The following AARD variants were observed in gnomAD, a reference collection of about 807,000 sequenced individuals.
AARD encodes the protein alanine- and arginine-rich domain-containing protein.
A neutral mutation model predicts 9.3 loss-of-function variants in AARD; 9 were observed. That is an observed-to-expected ratio of 0.97 (90% confidence interval 0.58 to 1.69). The LOEUF (loss-of-function observed/expected upper bound fraction) is 1.69. Among genes scored for constraint, AARD ranks in the 40% most tolerant of loss-of-function variants. AARD has a pLI of 0.00. For missense variants in AARD, 236 were observed against 210.3 expected (o/e 1.12, Z -0.76); for synonymous variants, 91 against 93.8 (o/e 0.97, Z 0.17).
Position 116,943,531 on chromosome 8 carries a change from A to T in AARD, c.*830A>T, listed in dbSNP as rs1333252838. ...TAGTCATGCAGCTCAAGGCAGGCAGATGGGTTTGTCCTTAGGATTTTTGAA... is the reference window on the plus strand; with the variant it reads ...TAGTCATGCAGCTCAAGGCAGGCAGTTGGGTTTGTCCTTAGGATTTTTGAA... On this transcript the variant is annotated 3_prime_UTR_variant, in exon 2 of 2. Coordinates refer to ENST00000378279, the MANE Select transcript of AARD (RefSeq NM_001025357.3). 2.6e-5 allele frequency: 4 copies of T among 152,300 alleles called. No individual in the cohort carries two copies. Among genetic ancestry groups the T allele is most frequent in the Admixed American group, 2.6e-4 (4 of 15,286 alleles). The allele number at this position is 152,300 out of a possible 1,614,324, so 9.4% of individuals were successfully genotyped here.
intron 1 of AARD, among the ~76,000 whole-genome samples, chr8:116,940,771 T>C (rs772188207): frequency 1.3e-5 from 2 of 152,200 alleles, no homozygotes; most frequent in Non-Finnish European, 2.9e-5. Context: ...CTAGGGTCTG[T>C]GAGTGCATCT....
At position 116,938,528 on chromosome 8, in the gene AARD, G is replaced by T; in HGVS notation, c.285G>T (p.Thr95=). 1 of 1,481,776 alleles carries T rather than the reference G, an allele frequency of 6.7e-7. No individual in the cohort carries two copies. The highest frequency in any genetic ancestry group is 1.4e-5 in the South Asian group (1 of 73,782). The allele number at this position is 1,481,776 out of a possible 1,614,324, so 91.8% of individuals were successfully genotyped here. The change falls in exon 1 of 2, where the codon ACG becomes ACT. Residue 95 remains threonine, a synonymous_variant. Coordinates refer to ENST00000378279, the MANE Select transcript of AARD (RefSeq NM_001025357.3). The stretch of plus-strand genomic sequence containing the variant: ...CGGCGCGGGAGGAGCAGAGCTGGAC[G>T]GGCGTTGAGGCCACCCTGGCCAGGC... ...AAAAREEQSW[T]GVEATLARLR...
rs1286491598 is a variant in AARD at position 116,938,568 on chromosome 8, G to A, written c.324+1G>A. ...CCTGGCCAGGCTGCGGGCGGAGCTG[G>A]TGAGAGAGCGGGCTAGGCGGACGGC... On this transcript the variant is annotated splice_donor_variant, in intron 1 of 1. Coordinates refer to ENST00000378279, the MANE Select transcript of AARD (RefSeq NM_001025357.3). LOFTEE classifies it high-confidence loss of function. 2 of 1,417,158 alleles carry A rather than the reference G, an allele frequency of 1.4e-6. No homozygotes were observed. Among genetic ancestry groups the A allele is most frequent in the Admixed American group, 6.3e-5 (2 of 31,916 alleles). 87.8% of individuals were successfully genotyped at this position (1,417,158 alleles called of 1,614,324 possible). A position where few individuals can be genotyped will look rare whatever the true frequency, so the allele number is the denominator to read the frequency against.
In AARD at chr8:116,942,662, C is replaced by T. The variant is rs751352913; in HGVS notation, c.429C>T (p.Asp143=). The change falls in exon 2 of 2, where the codon GAC becomes GAT. Residue 143 remains aspartate (D), a synonymous_variant. Coordinates refer to ENST00000378279, the MANE Select transcript of AARD (RefSeq NM_001025357.3). The part of the protein sequence containing the change: ...KKEYELEITS[D]SQSPKDDAAN... ...AGTATGAACTGGAAATTACATCAGA[C>T]TCCCAAAGCCCAAAAGATGATGCTG... 7 of 1,613,958 alleles carry T rather than the reference C, an allele frequency of 4.3e-6. No individual in the cohort carries two copies. Among genetic ancestry groups the T allele is most frequent in the Non-Finnish European group, 5.1e-6 (6 of 1,179,970 alleles).
At chr8:116,940,607 A>G (rs1813734414) in intron 1 of AARD, among the ~76,000 whole-genome samples, 1 of 152,226 alleles carries the variant, frequency 6.6e-6, no homozygotes, top group Admixed American at 6.5e-5. Context: ...TTTTACAGGA[A>G]CTGACATATA....
chr8:116,938,679 A>T (rs1171197427), intron 1 of AARD, 112 bp downstream of exon 1: 5 of 1,326,070 alleles, frequency 3.8e-6, no homozygotes, highest in Non-Finnish European at 2.9e-6. Flanking sequence ...GGGGCCCCTC[A>T]GGTCTGGACA....
intron 1 of AARD, 196 bp downstream of exon 1, chr8:116,938,763 G>C (rs1460097392): frequency 2.6e-6 from 2 of 780,730 alleles, no homozygotes; most frequent in African/African-American, 1.9e-5. Flanking sequence ...GTGGGGGGTG[G>C]GGGCGGGGGT....
rs1813770415 is a variant in AARD, at chr8:116,943,471, G to A, written c.*770G>A. ...TGGATTCTAACCATGCCCTTTAGGT[G>A]GTCTGTGACTAAGGGTATTCCATCT... On this transcript the variant is annotated 3_prime_UTR_variant, in exon 2 of 2. Transcript: ENST00000378279. 6.6e-6 allele frequency: 1 copy of A among 152,160 alleles called. No homozygotes were observed. The highest frequency in any genetic ancestry group is 6.5e-5 in the Admixed American group (1 of 15,282). The allele number at this position is 152,160 out of a possible 1,614,324, so 9.4% of individuals were successfully genotyped here.
At position 116,938,444 on chromosome 8, in the gene AARD, CCAGTGGGCGGTG is replaced by C; in HGVS notation, c.205_216del (p.Trp69_Gln72del). 6.2e-7 allele frequency: 1 copy of C among 1,607,196 alleles called. No homozygotes were observed. ...TCAGACGACGGCTGACGCGCGCCTT[CCAGTGGGCGGTG>C]CAGCGCGCGATCTCGAGGCGCGTGC... On this transcript the variant is annotated inframe_deletion, in exon 1 of 2. Transcript: ENST00000378279.
At position 116,942,819 on chromosome 8, in the gene AARD, T is replaced by C; in HGVS notation, c.*118T>C. On this transcript the variant is annotated 3_prime_UTR_variant, in exon 2 of 2. Transcript: ENST00000378279. ...ATTGAGACCATCCTGGCTAACACTG[T>C]GAAACCCTGCCTCTACTAAAAATAC... The C allele has an allele frequency of 1.0e-6, 1 of 980,710 alleles. No individual in the cohort carries two copies. Among genetic ancestry groups the C allele is most frequent in the Non-Finnish European group, 1.4e-6 (1 of 690,126 alleles). The allele number at this position is 980,710 out of a possible 1,614,324, so 60.8% of individuals were successfully genotyped here.
chr8:116,942,845 A>T lies in AARD; in HGVS notation c.*144A>T. The T allele has an allele frequency of 1.4e-6, 1 of 736,232 alleles. No homozygotes were observed. The highest frequency in any genetic ancestry group is 2.0e-6 in the Non-Finnish European group (1 of 492,946). The allele number at this position is 736,232 out of a possible 1,614,324, so 45.6% of individuals were successfully genotyped here. On this transcript the variant is annotated 3_prime_UTR_variant, in exon 2 of 2. Coordinates refer to ENST00000378279, the MANE Select transcript of AARD (RefSeq NM_001025357.3). ...GAAACCCTGCCTCTACTAAAAATACAAAAAATTAGCCAGACGTGGTGGCAG... is the reference window on the plus strand; with the variant it reads ...GAAACCCTGCCTCTACTAAAAATACTAAAAATTAGCCAGACGTGGTGGCAG...
rs751404334 is a variant in AARD at position 116,942,717 on chromosome 8, A to G, written c.*16A>G. The G allele has an allele frequency of 3.7e-6, 6 of 1,610,916 alleles. No individual in the cohort carries two copies. Among genetic ancestry groups the G allele is most frequent in the Middle Eastern group, 1.7e-4 (1 of 6,058 alleles). On this transcript the variant is annotated 3_prime_UTR_variant, in exon 2 of 2. Coordinates refer to ENST00000378279, the MANE Select transcript of AARD (RefSeq NM_001025357.3). Reference sequence around the variant, plus strand: ...TCCGGAATAAAGAAATGCACACGCAAGGGCTGGGCGCGGTGGCTCACGCCT... The same window carrying G: ...TCCGGAATAAAGAAATGCACACGCAGGGGCTGGGCGCGGTGGCTCACGCCT...
intron 1 of AARD, 107 bp from the exon 2 acceptor site, chr8:116,942,451 T>G: frequency 2.0e-6 from 2 of 1,016,386 alleles, no homozygotes; most frequent in Non-Finnish European, 2.8e-6. Context: ...CTTGATATCT[T>G]ATTTTCTTTT....
intron 1 of AARD, 161 bp downstream of exon 1, chr8:116,938,728 G>A (rs1813708585): frequency 9.1e-7 from 1 of 1,096,182 alleles, no homozygotes; most frequent in Admixed American, 3.9e-5. Context: ...TCGTTGGGAA[G>A]GAAAAGGGCC....
chr8:116,940,152 T>G (rs1459839133), intron 1 of AARD, among the ~76,000 whole-genome samples: 3 of 152,186 alleles, frequency 2.0e-5, no homozygotes, highest in African/African-American at 7.2e-5. Context: ...ACATTACCAT[T>G]TACAGGTTCT....
At chr8:116,941,388 G>T (rs1813743319) in intron 1 of AARD, among the ~76,000 whole-genome samples, 1 of 152,220 alleles carries the variant, frequency 6.6e-6, no homozygotes, top group African/African-American at 2.4e-5. Context: ...GACTGGCAAG[G>T]TTTCTGACCA....
At chr8:116,939,851 T>C (rs973142557) in intron 1 of AARD, among the ~76,000 whole-genome samples, 1 of 152,200 alleles carries the variant, frequency 6.6e-6, no homozygotes, top group Non-Finnish European at 1.5e-5. Flanking sequence ...GATGCTAAAC[T>C]GGAAGGCTGA....
At chr8:116,939,314 T>A (rs1269815011) in intron 1 of AARD, among the ~76,000 whole-genome samples, 1 of 152,226 alleles carries the variant, frequency 6.6e-6, no homozygotes, top group Non-Finnish European at 1.5e-5. Flanking sequence ...TATTTAAGAA[T>A]GTTATCGCAT....
At chr8:116,941,414 G>A (rs1173734423) in intron 1 of AARD, among the ~76,000 whole-genome samples, 1 of 152,192 alleles carries the variant, frequency 6.6e-6, no homozygotes, top group East Asian at 1.9e-4. Flanking sequence ...AATGGGAGCT[G>A]GCATGGGAAA....
Sources: gnomAD v4.1 joint callset for allele counts (sites outside exome capture counted in the v4.1 genomes callset) on GRCh38, gnomAD v4.1.1 for gene constraint, MANE v1.5 for transcripts, NCBI Gene and HGNC (gene_info 2026-07-23, HGNC 2026-07-21) for gene names.